Variants in MAGI1 observed in about 807,000 individuals in gnomAD.
MAGI1 encodes membrane associated guanylate kinase, WW and PDZ domain containing 1.
In MAGI1, 58 loss-of-function variants were observed where a neutral mutation model predicts 139.9. The ratio of observed to expected loss-of-function variants is 0.41; its 90% confidence interval spans 0.34 to 0.52. The LOEUF (loss-of-function observed/expected upper bound fraction) is 0.52, where lower values mean the gene tolerates loss of function less well. MAGI1 is among the 20% of genes least tolerant of loss of function. The pLI, the probability that MAGI1 is intolerant of heterozygous loss-of-function variation, is 0.12. For missense variants in MAGI1, 1,874 were observed against 1,901.6 expected, an observed-to-expected ratio of 0.99 and a Z score of 0.27; for synonymous variants, 812 against 737.9, an observed-to-expected ratio of 1.10 and a Z score of -1.63.
chr3:65,654,022 T>C (rs1022687048), intron 1 of MAGI1, among the ~76,000 whole-genome samples: 18 of 152,266 alleles, frequency 1.2e-4, no homozygotes, highest in Non-Finnish European at 2.5e-4. Context: ...TATCTCTGGA[T>C]GGTGAGATTA....
intron 2 of MAGI1, among the ~76,000 whole-genome samples, chr3:65,516,199 G>C (rs1023659917): frequency 2.0e-5 from 3 of 151,376 alleles, no homozygotes; most frequent in Admixed American, 6.6e-5. Context: ...TCTTTTTTTT[G>C]AGATGGAGTT....
chr3:65,518,783 T>C (rs1463251227), intron 2 of MAGI1, among the ~76,000 whole-genome samples: 1 of 150,808 alleles, frequency 6.6e-6, no homozygotes, highest in Admixed American at 6.6e-5. Flanking sequence ...AAAAAATAAA[T>C]AAATAAACCG....
At chr3:65,827,935 A>C (rs372586988) in intron 1 of MAGI1, among the ~76,000 whole-genome samples, 168 of 152,306 alleles carry the variant, frequency 1.1e-3, no homozygotes, top group Middle Eastern at 3.4e-3. Flanking sequence ...TATCATGAAA[A>C]CAGTCAGGCT....
chr3:65,958,231 G>C, intron 1 of MAGI1, among the ~76,000 whole-genome samples: 1 of 152,102 alleles, frequency 6.6e-6, no homozygotes. Flanking sequence ...AAGTTTTTGA[G>C]ACTTACACAG....
chr3:65,456,767 T>C (rs1949418380), intron 5 of MAGI1, among the ~76,000 whole-genome samples: 1 of 152,192 alleles, frequency 6.6e-6, no homozygotes, highest in African/African-American at 2.4e-5. Context: ...GACCATTTAC[T>C]GAAAAGGCTA....
intron 1 of MAGI1, among the ~76,000 whole-genome samples, chr3:65,808,231 C>T (rs1461080636): frequency 2.0e-5 from 3 of 152,116 alleles, no homozygotes; most frequent in Admixed American, 6.5e-5. Flanking sequence ...GTGATCCACC[C>T]GCCTTGGCCT....
At chr3:65,782,213 T>C (rs540703044) in intron 1 of MAGI1, among the ~76,000 whole-genome samples, 1 of 152,176 alleles carries the variant, frequency 6.6e-6, no homozygotes, top group Non-Finnish European at 1.5e-5. Context: ...CTAATTATGG[T>C]GACCTTTAAA....
At chr3:65,993,112 C>T (rs116568629) in intron 1 of MAGI1, among the ~76,000 whole-genome samples, 14 of 152,042 alleles carry the variant, frequency 9.2e-5, no homozygotes, top group African/African-American at 2.9e-4. Flanking sequence ...ACTACATGCA[C>T]CTGGCTTCAT....
intron 1 of MAGI1, among the ~76,000 whole-genome samples, chr3:65,710,787 T>G (rs1353140866): frequency 6.6e-6 from 1 of 152,230 alleles, no homozygotes; most frequent in Non-Finnish European, 1.5e-5. Flanking sequence ...TGTCTTCCAG[T>G]GTCCAGTTCA....
At chr3:65,822,859 T>C (rs932976264) in intron 1 of MAGI1, among the ~76,000 whole-genome samples, 5 of 152,164 alleles carry the variant, frequency 3.3e-5, no homozygotes, top group South Asian at 2.1e-4. Flanking sequence ...TTGTGAACCA[T>C]TGCTGAACCT....
At chr3:65,942,202 T>C (rs2063347121) in intron 1 of MAGI1, among the ~76,000 whole-genome samples, 1 of 151,300 alleles carries the variant, frequency 6.6e-6, no homozygotes, top group Non-Finnish European at 1.5e-5. Flanking sequence ...TAATGGCTAA[T>C]ATAATACCAT....
chr3:65,842,303 C>T (rs1356162858), intron 1 of MAGI1, among the ~76,000 whole-genome samples: 1 of 151,912 alleles, frequency 6.6e-6, no homozygotes, highest in Non-Finnish European at 1.5e-5. Context: ...AAGGAATTCA[C>T]ACCTGTTTTC....
At chr3:65,743,869 A>G (rs937214581) in intron 1 of MAGI1, among the ~76,000 whole-genome samples, 1 of 152,202 alleles carries the variant, frequency 6.6e-6, no homozygotes, top group Non-Finnish European at 1.5e-5. Context: ...ATAATAAAAT[A>G]AAGTCTGGGG....
At chr3:65,490,171 A>T (rs62255278) in intron 3 of MAGI1, among the ~76,000 whole-genome samples, 18,867 of 152,274 alleles carry the variant, frequency 0.12, 1,386 homozygotes, top group Middle Eastern at 0.17. Context: ...CATGTGTCAG[A>T]CACTCTGCTA....
intron 2 of MAGI1, among the ~76,000 whole-genome samples, chr3:65,509,744 C>T (rs1398658109): frequency 6.6e-6 from 1 of 152,074 alleles, no homozygotes; most frequent in Admixed American, 6.5e-5. Context: ...CCCGCCATTG[C>T]CCAGGCTTGC....
intron 12 of MAGI1, among the ~76,000 whole-genome samples, chr3:65,425,863 T>TA (rs1177274494): frequency 6.6e-6 from 1 of 152,090 alleles, no homozygotes; most frequent in East Asian, 1.9e-4. Context: ...TTAAAAAAAG[T>TA]AAAAAATCCT....
At position 65,710,269 on chromosome 3, in the gene MAGI1, C is replaced by CTTTTTT. The variant is rs1175790063; in HGVS notation, c.314-88187_314-88182dup. 7.6e-4 allele frequency among the ~76,000 whole-genome samples: 51 copies of CTTTTTT among 66,906 alleles called. 1 individual carries two copies. The highest frequency in any genetic ancestry group is 1.3e-3 in the Admixed American group (7 of 5,434). 43.9% of individuals were successfully genotyped at this position (66,906 alleles called of 152,430 possible). A position where few individuals can be genotyped will look rare whatever the true frequency, so the allele number is the denominator to read the frequency against. On this transcript the variant is annotated intron_variant, in intron 1 of 22. Coordinates refer to ENST00000402939, the MANE Select transcript of MAGI1 (RefSeq NM_001033057.2). ...TGAATCACTTATTAACCTTACATTT[C>CTTTTTT]TTTTTTTTTTTTTTTTTTTTTTTTT...
intron 1 of MAGI1, among the ~76,000 whole-genome samples, chr3:65,809,627 A>C (rs923288761): frequency 1.3e-5 from 2 of 152,136 alleles, no homozygotes; most frequent in African/African-American, 4.8e-5. Flanking sequence ...ACTCAAACTA[A>C]AGATGGGACG....
chr3:65,485,599 G>C (rs1951573092), intron 3 of MAGI1, among the ~76,000 whole-genome samples: 1 of 152,158 alleles, frequency 6.6e-6, no homozygotes, highest in Non-Finnish European at 1.5e-5. Context: ...TGATGTTGTA[G>C]ATAGATAATA....
Sources: gnomAD v4.1 joint callset for allele counts (sites outside exome capture counted in the v4.1 genomes callset) on GRCh38, gnomAD v4.1.1 for gene constraint, MANE v1.5 for transcripts, NCBI Gene and HGNC (gene_info 2026-07-23, HGNC 2026-07-21) for gene names.